Variants in BAMBI observed in about 807,000 individuals in gnomAD.
BAMBI encodes BMP and activin membrane-bound inhibitor homolog.
A neutral mutation model predicts 24.1 loss-of-function variants in BAMBI; 21 were observed. That is an observed-to-expected ratio of 0.87 (90% CI 0.62 to 1.26). The LOEUF (loss-of-function observed/expected upper bound fraction) is 1.26, where lower values mean the gene tolerates loss of function less well. Among genes scored for constraint, BAMBI ranks in the 50% most tolerant of loss-of-function variants. The probability of loss-of-function intolerance (pLI) is 0.00; values close to 1 mark genes in which losing one functional copy is unlikely to be tolerated. For synonymous variants in BAMBI, 156 were observed against 123.1 expected (o/e 1.27, Z -1.77); for missense variants, 388 against 329.1 (o/e 1.18, Z -1.38).
Position 28,681,444 on chromosome 10 carries a change from A to G in BAMBI, c.263A>G (p.His88Arg), listed in dbSNP as rs751295499. 1.2e-6 allele frequency: 2 copies of G among 1,613,862 alleles called. No individual in the cohort carries two copies. Among genetic ancestry groups the G allele is most frequent in the South Asian group, 1.1e-5 (1 of 91,056 alleles). The change falls in exon 2 of 3, where the codon CAC (histidine) becomes CGC (arginine). Residue 88 changes from histidine (H) to arginine (R), a missense_variant. Coordinates refer to ENST00000375533, the MANE Select transcript of BAMBI (RefSeq NM_012342.3). Reference protein sequence around the residue: ...DICQAKQARNHSGTTIPTLEC... With the variant: ...DICQAKQARNRSGTTIPTLEC... ...TGCCAAGCCAAACAGGCCCGAAACC[A>G]CTCTGGCACCACCATACCCACATTG...
In BAMBI at chr10:28,681,976, C is replaced by A. The variant is rs1263096559; in HGVS notation, c.365-7C>A. 2.1e-5 allele frequency: 33 copies of A among 1,607,858 alleles called. No individual in the cohort carries two copies. Among genetic ancestry groups the A allele is most frequent in the Non-Finnish European group, 2.7e-5 (32 of 1,175,492 alleles). On this transcript the variant is annotated splice_region_variant and splice_polypyrimidine_tract_variant and intron_variant, in intron 2 of 2. Coordinates refer to ENST00000375533, the MANE Select transcript of BAMBI (RefSeq NM_012342.3). The stretch of plus-strand genomic sequence containing the variant: ...GGAGTTTGATCATTTTCTTTGTACT[C>A]CTTTAGGACAAGGAAACAGGTATCA...
chr10:28,678,078 C>A, intron 1 of BAMBI, 105 bp downstream of exon 1: 1 of 1,054,570 alleles, frequency 9.5e-7, no homozygotes, highest in Non-Finnish European at 1.3e-6. Context: ...CCTCCTGCGC[C>A]GGAGCCGCAG....
At chr10:28,680,471 C>T (rs1834485779) in intron 1 of BAMBI, among the ~76,000 whole-genome samples, 1 of 152,076 alleles carries the variant, frequency 6.6e-6, no homozygotes, top group Non-Finnish European at 1.5e-5. Flanking sequence ...AGTGTTTCCC[C>T]TTTTAGATCA....
chr10:28,677,957 C>G lies in BAMBI; in HGVS notation c.60C>G (p.Ala20=). 2.0e-6 allele frequency: 3 copies of G among 1,530,038 alleles called. No homozygotes were observed. Among genetic ancestry groups the G allele is most frequent in the South Asian group, 2.4e-5 (2 of 82,700 alleles). 94.8% of individuals were successfully genotyped at this position (1,530,038 alleles called of 1,614,324 possible). A position where few individuals can be genotyped will look rare whatever the true frequency, so the allele number is the denominator to read the frequency against. ...IWLQLELCAM[A]VLLTKGEIRC... is the part of the protein sequence containing the mutation. Reference sequence around the variant, plus strand: ...TGCAGCTGGAGCTCTGCGCCATGGCCGTGCTGCTCACCAAAGGTGGGTGCC... The same window carrying G: ...TGCAGCTGGAGCTCTGCGCCATGGCGGTGCTGCTCACCAAAGGTGGGTGCC... Residue 20 remains alanine (A), a synonymous_variant, in exon 1 of 3, where the codon GCC becomes GCG. Transcript: ENST00000375533.
At chr10:28,680,632 G>A (rs1834487519) in intron 1 of BAMBI, among the ~76,000 whole-genome samples, 1 of 152,138 alleles carries the variant, frequency 6.6e-6, no homozygotes, top group South Asian at 2.1e-4. Flanking sequence ...CCTAGTTCCT[G>A]TTTTACAATA....
chr10:28,681,724 T>C (rs1279859062), intron 2 of BAMBI, 179 bp downstream of exon 2: 4 of 778,022 alleles, frequency 5.1e-6, no homozygotes, highest in Non-Finnish European at 6.0e-6. Context: ...GAGCATTAGA[T>C]GTCTGTCTAC....
chr10:28,682,205 A>T lies in BAMBI; in HGVS notation c.587A>T (p.Tyr196Phe). ...CAACAGATGCTCTCCCGTTTGCACT[A>T]CAGCTTTCACGGACACCATTCCAAA... ...QRQQMLSRLH[Y>F]SFHGHHSKKG... Residue 196 changes from tyrosine to phenylalanine, a missense_variant, in exon 3 of 3, where the codon TAC becomes TTC. By Grantham distance (22) the Tyr-to-Phe change is conservative. Transcript: ENST00000375533. The T allele has an allele frequency of 6.2e-7, 1 of 1,614,210 alleles. No individual in the cohort carries two copies. The highest frequency in any genetic ancestry group is 8.5e-7 in the Non-Finnish European group (1 of 1,180,036).
intron 1 of BAMBI, among the ~76,000 whole-genome samples, 149 bp from the exon 2 acceptor site, chr10:28,681,098 CTGGCTGCAGGA>C (rs1436691517): frequency 6.6e-6 from 1 of 152,178 alleles, no homozygotes; most frequent in African/African-American, 2.4e-5. Flanking sequence ...AACTTACGCA[CTGGCTGCAGGA>C]AGGGCTTCTC....
At chr10:28,679,310 C>G (rs1834472079) in intron 1 of BAMBI, among the ~76,000 whole-genome samples, 1 of 152,170 alleles carries the variant, frequency 6.6e-6, no homozygotes, top group African/African-American at 2.4e-5. Flanking sequence ...CCAGCAGTCT[C>G]TCCTGTAGCC....
Position 28,682,081 on chromosome 10 carries a change from A to C in BAMBI, c.463A>C (p.Ile155Leu). The C allele has an allele frequency of 6.2e-7, 1 of 1,614,104 alleles. No homozygotes were observed. Among genetic ancestry groups the C allele is most frequent in the Non-Finnish European group, 8.5e-7 (1 of 1,180,018 alleles). ...AGAGTTGTGGTTCCGGGCAGCGGTC[A>C]TTGCCGTGCCCATTGCTGGAGGGCT... ...SKELWFRAAV[I>L]AVPIAGGLIL... The change falls in exon 3 of 3, where the codon ATT becomes CTT. Residue 155 changes from isoleucine (I) to leucine (L), a missense_variant. Physicochemically the swap from Ile to Leu is conservative, Grantham distance 5 (BLOSUM62 2). Transcript: ENST00000375533.
chr10:28,681,266 C>G lies in BAMBI; in HGVS notation c.85C>G (p.Arg29Gly), dbSNP rs748373450. 6.2e-7 allele frequency: 1 copy of G among 1,609,816 alleles called. No homozygotes were observed. Among genetic ancestry groups the G allele is most frequent in the Non-Finnish European group, 8.5e-7 (1 of 1,178,310 alleles). ...TTTCTCATTGTTTTCAGGTGAAATT[C>G]GATGCTACTGTGATGCTGCCCACTG... ...MAVLLTKGEI[R>G]CYCDAAHCVA... The change falls in exon 2 of 3, where the codon CGA becomes GGA. Residue 29 changes from arginine to glycine, a missense_variant. Coordinates refer to ENST00000375533, the MANE Select transcript of BAMBI (RefSeq NM_012342.3).
Position 28,681,422 on chromosome 10 carries a change from C to T in BAMBI, c.241C>T (p.Gln81Ter), listed in dbSNP as rs1834495842. The T allele has an allele frequency of 6.2e-7, 1 of 1,614,208 alleles. No homozygotes were observed. The highest frequency in any genetic ancestry group is 8.5e-7 in the Non-Finnish European group (1 of 1,180,050). ...TCTTGCAAGCACGACAGACATCTGC[C>T]AAGCCAAACAGGCCCGAAACCACTC... is the stretch of plus-strand genomic sequence containing the variant. ...DSLASTTDICQAKQARNHSGT... is the reference protein window; with the variant it reads ...DSLASTTDIC The change falls in exon 2 of 3, where the codon CAA becomes TAA. Residue 81 changes from glutamine (Q) to a stop codon, truncating the protein, a stop_gained. Coordinates refer to ENST00000375533, the MANE Select transcript of BAMBI (RefSeq NM_012342.3). LOFTEE classifies it high-confidence loss of function.
chr10:28,678,068 C>G (rs1167549730), intron 1 of BAMBI, 95 bp downstream of exon 1: 1 of 1,143,184 alleles, frequency 8.7e-7, no homozygotes, highest in Non-Finnish European at 1.2e-6. Flanking sequence ...GGCGAGGCTC[C>G]CTCCTGCGCC....
intron 1 of BAMBI, among the ~76,000 whole-genome samples, chr10:28,678,319 C>G (rs527587794): frequency 1.5e-4 from 23 of 152,356 alleles, no homozygotes; most frequent in African/African-American, 3.4e-4. Context: ...TGGCCTGTAG[C>G]TGCCGCGTGC....
chr10:28,681,420 G>A lies in BAMBI; in HGVS notation c.239G>A (p.Cys80Tyr). The change falls in exon 2 of 3, where the codon TGC becomes TAC. Residue 80 changes from cysteine to tyrosine, a missense_variant. Coordinates refer to ENST00000375533, the MANE Select transcript of BAMBI (RefSeq NM_012342.3). Reference sequence around the variant, plus strand: ...TCTCTTGCAAGCACGACAGACATCTGCCAAGCCAAACAGGCCCGAAACCAC... The same window carrying A: ...TCTCTTGCAAGCACGACAGACATCTACCAAGCCAAACAGGCCCGAAACCAC... ...LDSLASTTDI[C>Y]QAKQARNHSG... is the part of the protein sequence containing the mutation. The A allele has an allele frequency of 6.2e-7, 1 of 1,614,138 alleles. No homozygotes were observed. Among genetic ancestry groups the A allele is most frequent in the Non-Finnish European group, 8.5e-7 (1 of 1,180,042 alleles).
chr10:28,681,053 T>G (rs1019285057), intron 1 of BAMBI, among the ~76,000 whole-genome samples: 4 of 152,212 alleles, frequency 2.6e-5, no homozygotes, highest in African/African-American at 7.2e-5. Flanking sequence ...CTATTGGGAT[T>G]ACTACATTGC....
In BAMBI at chr10:28,682,136, T is replaced by C; in HGVS notation, c.518T>C (p.Leu173Pro). 11 of 1,614,146 alleles carry C rather than the reference T, an allele frequency of 6.8e-6. No homozygotes were observed. Among genetic ancestry groups the C allele is most frequent in the South Asian group, 1.1e-5 (1 of 91,080 alleles). ...LILVLLIMLA[L>P]RMLRSENKRL... Reference sequence around the variant, plus strand: ...TTAGTGTTGCTTATTATGTTGGCCCTGAGGATGCTTCGAAGTGAAAATAAG... The same window carrying C: ...TTAGTGTTGCTTATTATGTTGGCCCCGAGGATGCTTCGAAGTGAAAATAAG... Residue 173 changes from leucine to proline, a missense_variant, in exon 3 of 3, where the codon CTG (leucine) becomes CCG (proline). Coordinates refer to ENST00000375533, the MANE Select transcript of BAMBI (RefSeq NM_012342.3).
At chr10:28,681,092 T>TA (rs1419554132) in intron 1 of BAMBI, among the ~76,000 whole-genome samples, 166 bp from the exon 2 acceptor site, 3 of 152,186 alleles carry the variant, frequency 2.0e-5, no homozygotes, top group African/African-American at 7.2e-5. Flanking sequence ...GATTGAAACT[T>TA]ACGCACTGGC....
chr10:28,682,423 C>T lies in BAMBI; in HGVS notation c.*22C>T, dbSNP rs780093557. ...ATGACGGAGTCTTATCTGAACTACA[C>T]TTACTGAACAGCTTGAAGGCCTTTT... is the stretch of plus-strand genomic sequence containing the variant. On this transcript the variant is annotated 3_prime_UTR_variant, in exon 3 of 3. Transcript: ENST00000375533. The T allele has an allele frequency of 5.7e-6, 9 of 1,589,290 alleles. No individual in the cohort carries two copies. Among genetic ancestry groups the T allele is most frequent in the Non-Finnish European group, 7.7e-6 (9 of 1,163,016 alleles).
Sources: gnomAD v4.1 joint callset for allele counts (sites outside exome capture counted in the v4.1 genomes callset) on GRCh38, gnomAD v4.1.1 for gene constraint, MANE v1.5 for transcripts, NCBI Gene and HGNC (gene_info 2026-07-23, HGNC 2026-07-21) for gene names.